Variants in BAIAP2L1 observed in about 807,000 individuals in gnomAD.
BAIAP2L1 encodes the protein BAR/IMD domain containing adaptor protein 2 like 1, also known as BAR/IMD domain-containing adapter protein 2-like 1.
Under a neutral mutation model 66.3 loss-of-function variants are expected in BAIAP2L1, and 35 were observed. The observed-to-expected ratio is 0.53, with a 90% CI of 0.40 to 0.70. BAIAP2L1 has a LOEUF of 0.70. Ranked by LOEUF, BAIAP2L1 falls within the 30% of genes least tolerant of loss-of-function variation. BAIAP2L1 has a pLI of 0.00. For synonymous variants in BAIAP2L1, 269 were observed against 248.7 expected, an observed-to-expected ratio of 1.08 and a Z score of -0.77; for missense variants, 622 against 656.9, an observed-to-expected ratio of 0.95 and a Z score of 0.58.
At chr7:98,347,285 AT>A (rs1801893243) in intron 3 of BAIAP2L1, among the ~76,000 whole-genome samples, 1 of 152,192 alleles carries the variant, frequency 6.6e-6, no homozygotes, top group Non-Finnish European at 1.5e-5. Context: ...TAGTTTTACT[AT>A]TTTTTAATTT....
chr7:98,396,750 T>G (rs1014030596), intron 1 of BAIAP2L1, among the ~76,000 whole-genome samples: 1 of 152,164 alleles, frequency 6.6e-6, no homozygotes, highest in Non-Finnish European at 1.5e-5. Flanking sequence ...ATTGCACCAC[T>G]GCACTCCAGC....
At chr7:98,372,521 A>C (rs542027150) in intron 1 of BAIAP2L1, among the ~76,000 whole-genome samples, 21 of 152,282 alleles carry the variant, frequency 1.4e-4, no homozygotes, top group South Asian at 4.1e-4. Flanking sequence ...AAGCATTAAA[A>C]GTGGTTTAAG....
rs543257182 is a variant in BAIAP2L1 at position 98,400,822 on chromosome 7, G to T, written c.31C>A (p.Leu11Ile). Residue 11 changes from leucine (L) to isoleucine (I), a missense_variant, in exon 1 of 14, where the codon CTC becomes ATC. By Grantham distance (5) the Leu-to-Ile change is conservative. Transcript: ENST00000005260. Reference sequence around the variant, plus strand: ...CTTACCCGGTAGGTGCTCTCCGTGAGCCGGTTCACCTCCTCGGGCCCCCGG... The same window carrying T: ...CTTACCCGGTAGGTGCTCTCCGTGATCCGGTTCACCTCCTCGGGCCCCCGG... MSRGPEEVNR[L>I]TESTYRNVME... The T allele has an allele frequency of 3.4e-4, 521 of 1,548,112 alleles. 6 individuals carry two copies. In the South Asian group the frequency reaches 5.7e-3, roughly 17 times the overall value.
At chr7:98,355,242 T>C in intron 2 of BAIAP2L1, 114 bp from the exon 3 acceptor site, 5 of 726,232 alleles carry the variant, frequency 6.9e-6, no homozygotes, top group Non-Finnish European at 1.2e-5. Flanking sequence ...AGGTTTGGGC[T>C]GTGGCAGGTG....
chr7:98,320,649 G>A (rs922272678), intron 3 of BAIAP2L1, among the ~76,000 whole-genome samples: 3 of 151,924 alleles, frequency 2.0e-5, no homozygotes, highest in African/African-American at 7.3e-5. Context: ...GCACAGTTTT[G>A]TAAAGTATTA....
rs914930280 is a variant in BAIAP2L1 at position 98,292,894 on chromosome 7, T to C, written c.*627A>G. 16 of 1,425,654 alleles carry C rather than the reference T, an allele frequency of 1.1e-5. No homozygotes were observed. In the Admixed American group the frequency reaches 3.9e-4, roughly 35 times the overall value. 88.3% of individuals were successfully genotyped at this position (1,425,654 alleles called of 1,614,324 possible). ...TCTCGGAGGAGATTTCGTCGAGTGC[T>C]ACGTGTGGCTGTGATAAGGGCAGGC... On this transcript the variant is annotated 3_prime_UTR_variant, in exon 14 of 14. Transcript: ENST00000005260.
In BAIAP2L1 at chr7:98,338,534, T is replaced by C. The variant is rs1045593388; in HGVS notation, c.214+16508A>G. Among the ~76,000 whole-genome samples the C allele has an allele frequency of 2.0e-5, 3 of 152,292 alleles. No homozygotes were observed. In the East Asian group the frequency reaches 5.8e-4, roughly 29 times the overall value. On this transcript the variant is annotated intron_variant, in intron 3 of 13. Coordinates refer to ENST00000005260, the MANE Select transcript of BAIAP2L1 (RefSeq NM_018842.5). ...TTGAAGCCTCAAAATCTGCTTTCTATGTGGATTTGCTGATGCTGGGCATTT... is the reference window on the plus strand; with the variant it reads ...TTGAAGCCTCAAAATCTGCTTTCTACGTGGATTTGCTGATGCTGGGCATTT...
chr7:98,313,635 TGA>T (rs1800960320), intron 7 of BAIAP2L1, among the ~76,000 whole-genome samples: 2 of 152,162 alleles, frequency 1.3e-5, no homozygotes, highest in African/African-American at 2.4e-5. Flanking sequence ...TCTGCTTTTT[TGA>T]GAGAGGATTT....
At chr7:98,306,250 C>T (rs1219847244) in intron 11 of BAIAP2L1, among the ~76,000 whole-genome samples, 189 bp downstream of exon 11, 1 of 152,140 alleles carries the variant, frequency 6.6e-6, no homozygotes, top group Non-Finnish European at 1.5e-5. Context: ...GGTCTCCTCA[C>T]AGCAGCAAAG....
intron 12 of BAIAP2L1, among the ~76,000 whole-genome samples, chr7:98,296,385 G>C (rs1013018663): frequency 7.9e-5 from 12 of 152,334 alleles, no homozygotes; most frequent in Admixed American, 7.8e-4. Context: ...CAGCACTTTG[G>C]GAGGCTGAGG....
Position 98,400,988 on chromosome 7 carries a change from G to T in BAIAP2L1, c.-136C>A. 1.5e-6 allele frequency: 1 copy of T among 684,848 alleles called. No homozygotes were observed. The highest frequency in any genetic ancestry group is 2.1e-6 in the Non-Finnish European group (1 of 478,230). The allele number at this position is 684,848 out of a possible 1,614,324, so 42.4% of individuals were successfully genotyped here. On this transcript the variant is annotated 5_prime_UTR_variant, in exon 1 of 14. Transcript: ENST00000005260. ...GCCGCCGCCGCAGCCGTCGGCCCGA[G>T]AGTGCCCGCGCGCGTCTCCGCTGCG...
At chr7:98,359,232 C>T (rs959092971) in intron 2 of BAIAP2L1, among the ~76,000 whole-genome samples, 1 of 152,068 alleles carries the variant, frequency 6.6e-6, no homozygotes, top group Admixed American at 6.6e-5. Flanking sequence ...CAGTGTGCCA[C>T]CCATGCCAGT....
intron 1 of BAIAP2L1, among the ~76,000 whole-genome samples, chr7:98,388,153 C>T (rs1008747098): frequency 5.9e-5 from 9 of 152,172 alleles, no homozygotes; most frequent in Admixed American, 5.9e-4. Context: ...GCGCCAGATG[C>T]TATTCTAAGA....
chr7:98,390,499 C>A (rs768420592), intron 1 of BAIAP2L1, among the ~76,000 whole-genome samples: 1 of 151,574 alleles, frequency 6.6e-6, no homozygotes, highest in Non-Finnish European at 1.5e-5. Context: ...GAGGCCGAGG[C>A]GGGCGGATCA....
chr7:98,386,271 G>A lies in BAIAP2L1; in HGVS notation c.51+14531C>T. ...TGACCATGGAACACATTTTGTCACG[G>A]GTAAGATCCATGCCATGGAAGTTAG... On this transcript the variant is annotated intron_variant, in intron 1 of 13. Coordinates refer to ENST00000005260, the MANE Select transcript of BAIAP2L1 (RefSeq NM_018842.5). 5 of 1,594,732 alleles carry A rather than the reference G, an allele frequency of 3.1e-6. No individual in the cohort carries two copies. The South Asian group carries it at 5.5e-5, about 18-fold the overall frequency.
chr7:98,343,396 A>T (rs1312092381), intron 3 of BAIAP2L1, among the ~76,000 whole-genome samples: 1 of 152,094 alleles, frequency 6.6e-6, no homozygotes, highest in East Asian at 1.9e-4. Context: ...GCTTGCAGTG[A>T]GCCAAGATCA....
Position 98,392,342 on chromosome 7 carries a change from G to A in BAIAP2L1, c.51+8460C>T, listed in dbSNP as rs753025708. ...CCTGGGCGAACAAGAGTGAACCTCC[G>A]TTTCAAAAAAGAAGTCTACCTAACT... On this transcript the variant is annotated intron_variant, in intron 1 of 13. Coordinates refer to ENST00000005260, the MANE Select transcript of BAIAP2L1 (RefSeq NM_018842.5). Among the ~76,000 whole-genome samples the A allele has an allele frequency of 2.6e-5, 4 of 152,038 alleles. No individual in the cohort carries two copies. In the East Asian group the frequency reaches 5.8e-4, roughly 22 times the overall value.
At chr7:98,366,596 T>C (rs1414497946) in intron 1 of BAIAP2L1, among the ~76,000 whole-genome samples, 4 of 152,238 alleles carry the variant, frequency 2.6e-5, no homozygotes, top group East Asian at 1.9e-4. Flanking sequence ...TGTGGATTTA[T>C]TGGGTATTGT....
At chr7:98,332,275 C>T (rs1375142884) in intron 3 of BAIAP2L1, among the ~76,000 whole-genome samples, 5 of 144,290 alleles carry the variant, frequency 3.5e-5, no homozygotes, top group Admixed American at 7.3e-5. Context: ...CCCAGCTACT[C>T]GGGAGGCTGA....
Sources: gnomAD v4.1 joint callset for allele counts (sites outside exome capture counted in the v4.1 genomes callset) on GRCh38, gnomAD v4.1.1 for gene constraint, MANE v1.5 for transcripts, NCBI Gene and HGNC (gene_info 2026-07-23, HGNC 2026-07-21) for gene names.